EFCAB13: variants seen among roughly 807,000 people sequenced by gnomAD.
The protein encoded by EFCAB13 is EF-hand calcium-binding domain-containing protein 13.
In EFCAB13, 91 loss-of-function variants were observed where a neutral mutation model predicts 110.2. That is an observed-to-expected ratio of 0.83 (90% CI 0.70 to 0.98). The LOEUF (loss-of-function observed/expected upper bound fraction) is 0.98, where lower values mean the gene tolerates loss of function less well. EFCAB13 is among the 50% of genes least tolerant of loss of function. The pLI is 0.00. For synonymous variants in EFCAB13, 323 were observed against 369.9 expected, an observed-to-expected ratio of 0.87 and a Z score of 1.45; for missense variants, 968 against 1,119.4, an observed-to-expected ratio of 0.86 and a Z score of 1.93.
At chr17:47,331,698 A>G (rs1444556342) in intron 4 of EFCAB13, among the ~76,000 whole-genome samples, 1 of 152,058 alleles carries the variant, frequency 6.6e-6, no homozygotes, top group Non-Finnish European at 1.5e-5. Flanking sequence ...GAATAATCAC[A>G]TTGCCCTAAA....
At chr17:47,347,973 T>G (rs1161471272) in intron 9 of EFCAB13, 22 bp downstream of exon 9, 2 of 1,418,608 alleles carry the variant, frequency 1.4e-6, no homozygotes, top group Non-Finnish European at 1.9e-6. Flanking sequence ...CTTTTCAGTA[T>G]TAGTTTAAGG....
intron 5 of EFCAB13, among the ~76,000 whole-genome samples, chr17:47,337,468 CTAAA>C (rs1261722306): frequency 6.6e-6 from 1 of 151,950 alleles, no homozygotes; most frequent in African/African-American, 2.4e-5. Flanking sequence ...CTTGTACCCT[CTAAA>C]TATATAAAAA....
chr17:47,393,997 C>T (rs756835804), intron 15 of EFCAB13, 28 bp from the exon 16 acceptor site: 6 of 1,378,728 alleles, frequency 4.4e-6, no homozygotes, highest in South Asian at 1.4e-5. Context: ...TAAAAGATGC[C>T]AAAAAAATGT....
intron 21 of EFCAB13, 146 bp downstream of exon 21, chr17:47,409,837 C>A: frequency 3.2e-6 from 2 of 617,060 alleles, no homozygotes; most frequent in East Asian, 2.7e-5. Flanking sequence ...GATCATGTTA[C>A]CTCCCCCTAT....
At chr17:47,389,686 T>G (rs1179995565) in intron 14 of EFCAB13, among the ~76,000 whole-genome samples, 1 of 152,068 alleles carries the variant, frequency 6.6e-6, no homozygotes, top group Non-Finnish European at 1.5e-5. Flanking sequence ...GGGCTTTTTG[T>G]ATAAATGGTC....
At chr17:47,383,598 GTTTC>G (rs1243167844) in intron 14 of EFCAB13, among the ~76,000 whole-genome samples, 1 of 152,208 alleles carries the variant, frequency 6.6e-6, no homozygotes, top group African/African-American at 2.4e-5. Context: ...TTTTGAGTGA[GTTTC>G]TTAATCCTGA....
chr17:47,327,345 A>G (rs1348388749), intron 3 of EFCAB13, among the ~76,000 whole-genome samples: 1 of 151,234 alleles, frequency 6.6e-6, no homozygotes, highest in Non-Finnish European at 1.5e-5. Context: ...TTGTATTTTC[A>G]GTAGAGACGG....
intron 24 of EFCAB13, chr17:47,430,850 TA>T (rs1555589962): frequency 6.6e-6 from 1 of 152,108 alleles, no homozygotes; most frequent in Non-Finnish European, 1.5e-5. Context: ...TTGACCCTTT[TA>T]AAAATTTATT....
At chr17:47,427,256 G>A (rs1904992155) in intron 23 of EFCAB13, among the ~76,000 whole-genome samples, 1 of 152,028 alleles carries the variant, frequency 6.6e-6, no homozygotes, top group Non-Finnish European at 1.5e-5. Context: ...GAAAAATTGA[G>A]TAGGTTCAGA....
chr17:47,352,864 T>C (rs1218117256), intron 9 of EFCAB13, among the ~76,000 whole-genome samples: 1 of 152,228 alleles, frequency 6.6e-6, no homozygotes, highest in Non-Finnish European at 1.5e-5. Flanking sequence ...CATTGCCTTC[T>C]TGATTGGTTC....
intron 23 of EFCAB13, among the ~76,000 whole-genome samples, chr17:47,417,716 T>C (rs537052708): frequency 6.0e-4 from 91 of 152,344 alleles, no homozygotes; most frequent in African/African-American, 2.1e-3. Flanking sequence ...ATCTCTTTCA[T>C]GATCTCCTTG....
chr17:47,401,653 T>TC (rs1321422355), intron 17 of EFCAB13, among the ~76,000 whole-genome samples: 1 of 147,294 alleles, frequency 6.8e-6, no homozygotes, highest in East Asian at 1.9e-4. Flanking sequence ...TTTTTTTTTT[T>TC]TTTTTTTTTG....
Position 47,374,876 on chromosome 17 carries a change from A to T in EFCAB13, c.1282A>T (p.Ile428Phe), listed in dbSNP as rs750911338. The T allele has an allele frequency of 2.5e-6, 4 of 1,612,160 alleles. No homozygotes were observed. The highest frequency in any genetic ancestry group is 1.7e-4 in the Middle Eastern group (1 of 6,050). Reference sequence around the variant, plus strand: ...TCTGGATAAAAGTGATATTTCTAGTATCCCAAAACTTCAGAAGCCAGCTGT... The same window carrying T: ...TCTGGATAAAAGTGATATTTCTAGTTTCCCAAAACTTCAGAAGCCAGCTGT... ...KSLDKSDISS[I>F]PKLQKPAVRK... Residue 428 changes from isoleucine to phenylalanine, a missense_variant, in exon 12 of 25, where the codon ATC becomes TTC. Physicochemically the swap from Ile to Phe is conservative, Grantham distance 21. Coordinates refer to ENST00000331493, the MANE Select transcript of EFCAB13 (RefSeq NM_152347.5).
rs781392861 is a variant in EFCAB13 at position 47,379,172 on chromosome 17, TTAAAAA to T, written c.1511-9_1511-4del. 1 of 1,611,374 alleles carries T rather than the reference TTAAAAA, an allele frequency of 6.2e-7. No individual in the cohort carries two copies. ...CCAGAATGTATAATCTAAACTCTTT[TTAAAAA>T]CAGAGAATGGAATGGTGGAGTTAGA... is the stretch of plus-strand genomic sequence containing the variant. On this transcript the variant is annotated splice_polypyrimidine_tract_variant and splice_region_variant and intron_variant, in intron 13 of 24. Transcript: ENST00000331493.
intron 9 of EFCAB13, among the ~76,000 whole-genome samples, chr17:47,351,899 GTT>G (rs762050927): frequency 0.021 from 2,529 of 121,392 alleles, 65 homozygotes; most frequent in East Asian, 0.18. Flanking sequence ...TTTTCATGTA[GTT>G]TTTTTTTTTT....
At chr17:47,359,283 G>A (rs80099699) in intron 9 of EFCAB13, among the ~76,000 whole-genome samples, 5,133 of 152,148 alleles carry the variant, frequency 0.034, 299 homozygotes, top group African/African-American at 0.12. Flanking sequence ...GCAGTAAGCC[G>A]AGATCGTGTG....
intron 10 of EFCAB13, 90 bp from the exon 11 acceptor site, chr17:47,370,347 C>A: frequency 1.1e-6 from 1 of 900,258 alleles, no homozygotes; most frequent in Non-Finnish European, 1.8e-6. Flanking sequence ...CTACTTGCCA[C>A]ACATTCTGTG....
intron 18 of EFCAB13, among the ~76,000 whole-genome samples, chr17:47,402,574 A>G (rs2065784785): frequency 6.6e-6 from 1 of 152,234 alleles, no homozygotes; most frequent in African/African-American, 2.4e-5. Flanking sequence ...TAGAGGTGGA[A>G]TAGACAATTC....
chr17:47,362,390 G>A (rs2065519506), intron 10 of EFCAB13, among the ~76,000 whole-genome samples: 1 of 152,136 alleles, frequency 6.6e-6, no homozygotes, highest in South Asian at 2.1e-4. Context: ...TTGGTCTACC[G>A]GTAATGCCAG....
Sources: allele counts gnomAD v4.1 joint callset (sites outside exome capture counted in the v4.1 genomes callset), GRCh38; gene constraint gnomAD v4.1.1; transcripts MANE v1.5; gene names NCBI Gene and HGNC (gene_info 2026-07-23, HGNC 2026-07-21).